The following PIP4P2 variants were observed in gnomAD, a reference collection of about 807,000 sequenced individuals.
PIP4P2 encodes phosphatidylinositol-4,5-bisphosphate 4-phosphatase 2.
Under a neutral mutation model 33.3 loss-of-function variants are expected in PIP4P2, and 19 were observed. The observed-to-expected ratio is 0.57, with a 90% CI of 0.40 to 0.84. The LOEUF (loss-of-function observed/expected upper bound fraction) is 0.84, where lower values mean the gene tolerates loss of function less well. Ranked by LOEUF, PIP4P2 falls within the 40% of genes least tolerant of loss-of-function variation. The pLI is 0.00. For synonymous variants in PIP4P2, 110 were observed against 111.9 expected, an observed-to-expected ratio of 0.98 and a Z score of 0.11; for missense variants, 270 against 324.7, an observed-to-expected ratio of 0.83 and a Z score of 1.29.
At position 90,995,695 on chromosome 8, in the gene PIP4P2, TG is replaced by T; in HGVS notation, c.755del (p.Pro252GlnfsTer24). On this transcript the variant is annotated frameshift_variant, in exon 7 of 7. Transcript: ENST00000285419. LOFTEE classifies it high-confidence loss of function. ...AACAAGCTTATGCAAAACTGTGTTC[TG>T]GATAACTGACTCTTATGGCTCCCCA... is the stretch of plus-strand genomic sequence containing the variant. ...CYWGAIRVSYPEHSFA is the reference protein window; with the variant it reads ...CYWGAIRVSYXEHSFA The T allele has an allele frequency of 6.2e-7, 1 of 1,612,346 alleles. No individual in the cohort carries two copies. Among genetic ancestry groups the T allele is most frequent in the Non-Finnish European group, 8.5e-7 (1 of 1,179,278 alleles).
At chr8:91,006,395 T>A (rs1811763219) in intron 5 of PIP4P2, among the ~76,000 whole-genome samples, 1 of 152,240 alleles carries the variant, frequency 6.6e-6, no homozygotes, top group Non-Finnish European at 1.5e-5. Context: ...ATACAAATTC[T>A]TCTTCATATT....
At chr8:91,019,411 A>AT (rs1811968262) in intron 3 of PIP4P2, among the ~76,000 whole-genome samples, 2 of 138,290 alleles carry the variant, frequency 1.4e-5, no homozygotes, top group Non-Finnish European at 3.2e-5. Context: ...AAAAAAAAAA[A>AT]AAAAAAAAAA....
At chr8:91,003,958 G>C (rs1294077364) in intron 5 of PIP4P2, among the ~76,000 whole-genome samples, 1 of 142,390 alleles carries the variant, frequency 7.0e-6, no homozygotes, top group African/African-American at 2.8e-5. Context: ...GAGATAGATA[G>C]ATAGATAGAT....
intron 4 of PIP4P2, among the ~76,000 whole-genome samples, chr8:91,013,828 C>A (rs1287922559): frequency 3.3e-5 from 5 of 152,142 alleles, no homozygotes; most frequent in Non-Finnish European, 7.4e-5. Context: ...AGCCACCATG[C>A]CCAGCCTATA....
intron 1 of PIP4P2, among the ~76,000 whole-genome samples, chr8:91,027,336 T>A (rs931419239): frequency 1.3e-5 from 2 of 152,202 alleles, no homozygotes; most frequent in Non-Finnish European, 2.9e-5. Flanking sequence ...GTGGAAAATA[T>A]CTTTCCTTCT....
intron 4 of PIP4P2, 116 bp from the exon 5 acceptor site, chr8:91,008,911 T>C (rs1811795649): frequency 1.3e-6 from 1 of 780,532 alleles, no homozygotes; most frequent in East Asian, 2.6e-5. Flanking sequence ...GCAATCACCT[T>C]CTCACGGTTA....
chr8:90,996,939 T>C (rs1319094986), intron 5 of PIP4P2, among the ~76,000 whole-genome samples, 195 bp from the exon 6 acceptor site: 7 of 152,230 alleles, frequency 4.6e-5, no homozygotes, highest in Middle Eastern at 3.4e-3. Context: ...GAATTTGTGA[T>C]ATTATTGTGG....
At chr8:91,004,925 A>C (rs1326977544) in intron 5 of PIP4P2, among the ~76,000 whole-genome samples, 1 of 152,170 alleles carries the variant, frequency 6.6e-6, no homozygotes, top group Non-Finnish European at 1.5e-5. Flanking sequence ...GAAGTCAATC[A>C]AGGACACTTA....
intron 1 of PIP4P2, among the ~76,000 whole-genome samples, chr8:91,038,163 C>T (rs1307007404): frequency 6.6e-6 from 1 of 152,132 alleles, no homozygotes; most frequent in Non-Finnish European, 1.5e-5. Context: ...CTGCTCCCTG[C>T]TACATTATTA....
chr8:91,012,015 TTCTC>T (rs1401433068), intron 4 of PIP4P2, among the ~76,000 whole-genome samples: 1 of 151,968 alleles, frequency 6.6e-6, no homozygotes. Context: ...CTTGAGAGAA[TTCTC>T]TCTCAGGAGA....
At chr8:91,003,009 T>C (rs1586174801) in intron 5 of PIP4P2, among the ~76,000 whole-genome samples, 4 of 152,308 alleles carry the variant, frequency 2.6e-5, no homozygotes, top group East Asian at 3.9e-4. Context: ...TTTTAGGCAA[T>C]GGGCTGATAG....
rs752266020 is a variant in PIP4P2, at chr8:90,995,651, C to T, written c.*26G>A. On this transcript the variant is annotated 3_prime_UTR_variant, in exon 7 of 7. Transcript: ENST00000285419. ...TACCAAGAACTGCTAGACACTCTCA[C>T]CTGCATTACTGAATCATAAACAAGC... The T allele has an allele frequency of 2.5e-6, 4 of 1,600,926 alleles. No individual in the cohort carries two copies. Among genetic ancestry groups the T allele is most frequent in the South Asian group, 1.1e-5 (1 of 88,138 alleles).
At chr8:90,997,394 G>T (rs1231063416) in intron 5 of PIP4P2, among the ~76,000 whole-genome samples, 1 of 151,974 alleles carries the variant, frequency 6.6e-6, no homozygotes, top group Non-Finnish European at 1.5e-5. Flanking sequence ...TGCCAACAAA[G>T]TATCATTTAA....
At chr8:90,996,061 G>C (rs1811624636) in intron 6 of PIP4P2, among the ~76,000 whole-genome samples, 1 of 152,078 alleles carries the variant, frequency 6.6e-6, no homozygotes, top group Non-Finnish European at 1.5e-5. Flanking sequence ...TCTCTACAAG[G>C]AATTTAATCC....
At chr8:91,015,757 G>C (rs930775182) in intron 4 of PIP4P2, among the ~76,000 whole-genome samples, 9 of 152,128 alleles carry the variant, frequency 5.9e-5, no homozygotes, top group African/African-American at 2.2e-4. Context: ...GGTTTCTATT[G>C]GCTGGAACAG....
intron 1 of PIP4P2, among the ~76,000 whole-genome samples, chr8:91,032,067 G>A (rs1349054403): frequency 6.6e-6 from 1 of 152,156 alleles, no homozygotes; most frequent in Non-Finnish European, 1.5e-5. Flanking sequence ...GTAAAGTAAC[G>A]ATTCCAAGGC....
intron 1 of PIP4P2, among the ~76,000 whole-genome samples, chr8:91,036,995 T>C (rs1177016592): frequency 6.6e-6 from 1 of 152,198 alleles, no homozygotes; most frequent in Non-Finnish European, 1.5e-5. Context: ...TCTCAGAGTG[T>C]TCCACTTCTT....
At chr8:91,011,724 A>T (rs1811839412) in intron 4 of PIP4P2, among the ~76,000 whole-genome samples, 1 of 152,054 alleles carries the variant, frequency 6.6e-6, no homozygotes. Flanking sequence ...TGGCTTTTCT[A>T]CATTTATCCA....
At chr8:91,026,336 G>A (rs932628156) in intron 1 of PIP4P2, among the ~76,000 whole-genome samples, 5 of 151,948 alleles carry the variant, frequency 3.3e-5, no homozygotes, top group South Asian at 2.1e-4. Flanking sequence ...TTCAACATTC[G>A]CCAGAACCAG....
Sources: allele counts gnomAD v4.1 joint callset (sites outside exome capture counted in the v4.1 genomes callset), GRCh38; gene constraint gnomAD v4.1.1; transcripts MANE v1.5; gene names NCBI Gene and HGNC (gene_info 2026-07-23, HGNC 2026-07-21).